Variants in SPINDOC observed in about 807,000 individuals in gnomAD.
The protein encoded by SPINDOC is spindlin interactor and repressor of chromatin binding, also known as spindlin interactor and repressor of chromatin-binding protein.
A neutral mutation model predicts 30.7 loss-of-function variants in SPINDOC; 13 were observed. The ratio of observed to expected loss-of-function variants is 0.42; its 90% CI spans 0.28 to 0.67. The LOEUF is 0.67. Ranked by LOEUF, SPINDOC falls within the 30% of genes least tolerant of loss-of-function variation. The pLI is 0.22. For missense variants in SPINDOC, 438 were observed against 518.0 expected (o/e 0.85, Z 1.50); for synonymous variants, 228 against 211.4 (o/e 1.08, Z -0.68).
chr11:63,826,050 C>G (rs1424014636), intron 5 of SPINDOC, among the ~76,000 whole-genome samples: 5 of 152,012 alleles, frequency 3.3e-5, no homozygotes, highest in Non-Finnish European at 7.4e-5. Context: ...GCGACTCTCC[C>G]GCCTCAGCCT....
chr11:63,826,794 C>G, intron 5 of SPINDOC, 134 bp from the exon 6 acceptor site: 1 of 623,704 alleles, frequency 1.6e-6, no homozygotes, highest in Admixed American at 2.5e-5. Context: ...GGCTTCCCCT[C>G]ATGCCAGGCA....
At chr11:63,816,793 G>GTCCT (rs1325205129) in intron 1 of SPINDOC, among the ~76,000 whole-genome samples, 4 of 152,202 alleles carry the variant, frequency 2.6e-5, no homozygotes, top group Non-Finnish European at 5.9e-5. Flanking sequence ...CAAAGAGCAG[G>GTCCT]TATCAGGCAG....
At chr11:63,823,925 G>T (rs1474273907) in intron 5 of SPINDOC, among the ~76,000 whole-genome samples, 21 of 141,784 alleles carry the variant, frequency 1.5e-4, no homozygotes, top group Non-Finnish European at 2.1e-4. Flanking sequence ...TTTTTTTTTG[G>T]AGATGGAGTT....
In SPINDOC at chr11:63,818,317, C is replaced by T. The variant is rs1565075780; in HGVS notation, c.559C>T (p.Leu187Phe). The change falls in exon 3 of 6, where the codon CTC becomes TTC. Residue 187 changes from leucine (L) to phenylalanine (F), a missense_variant. Physicochemically the swap from Leu to Phe is conservative, Grantham distance 22 (BLOSUM62 0). Around this residue, in one of 3 missense-constraint regions of SPINDOC, gnomAD observed 300 missense variants for 332.8 expected, o/e 0.90. Coordinates refer to ENST00000294244, the MANE Select transcript of SPINDOC (RefSeq NM_138471.3). This position sits in a 1 kb window ranked among gnomAD's most constrained non-coding sequence, Gnocchi z 5.3. ...CCTTGACTCTGAGGATAACCCATCCCTCCCTAAAAGGAGCCGGCCCAGGGG... is the reference window on the plus strand; with the variant it reads ...CCTTGACTCTGAGGATAACCCATCCTTCCCTAAAAGGAGCCGGCCCAGGGG... Reference protein sequence around the residue: ...VLLDSEDNPSLPKRSRPRGLR... With the variant: ...VLLDSEDNPSFPKRSRPRGLR... 3 of 1,614,042 alleles carry T rather than the reference C, an allele frequency of 1.9e-6. No individual in the cohort carries two copies. The highest frequency in any genetic ancestry group is 2.5e-6 in the Non-Finnish European group (3 of 1,180,020).
At chr11:63,819,148 C>G (rs1431028702) in intron 5 of SPINDOC, 146 bp downstream of exon 5, 8 of 687,450 alleles carry the variant, frequency 1.2e-5, no homozygotes, top group Non-Finnish European at 1.9e-5. Flanking sequence ...TCCTGGTACA[C>G]GGGGCCGGGG....
intron 5 of SPINDOC, chr11:63,822,871 C>T (rs904281665): frequency 1.0e-5 from 13 of 1,288,562 alleles, no homozygotes; most frequent in Admixed American, 6.9e-5. Context: ...GAAGAGAATC[C>T]CTGAGATTCT....
intron 5 of SPINDOC, among the ~76,000 whole-genome samples, chr11:63,820,907 A>AAAAAAAAAC (rs2015501781): frequency 6.8e-6 from 1 of 147,844 alleles, no homozygotes; most frequent in Non-Finnish European, 1.5e-5. Flanking sequence ...AAAAAAAAAA[A>AAAAAAAAAC]CAACACACAT....
At chr11:63,822,623 G>A (rs1309067138) in intron 5 of SPINDOC, 1 of 1,289,046 alleles carries the variant, frequency 7.8e-7, no homozygotes. Flanking sequence ...AGTTTTAACT[G>A]TCTCAAGTTT....
Position 63,818,925 on chromosome 11 carries a change from G to T in SPINDOC, c.857G>T (p.Gly286Val), listed in dbSNP as rs761980411. The change falls in exon 5 of 6, where the codon GGC becomes GTC. Residue 286 changes from glycine (G) to valine (V), a missense_variant. Coordinates refer to ENST00000294244, the MANE Select transcript of SPINDOC (RefSeq NM_138471.3). This position sits in a 1 kb window ranked among gnomAD's most constrained non-coding sequence, Gnocchi z 5.3. Reference protein sequence around the residue: ...LQLFSHTQLRGPDSKDSPKDR... With the variant: ...LQLFSHTQLRVPDSKDSPKDR... ...CTCTTCTCCCACACCCAGCTCAGGG[G>T]CCCAGACAGCAAGGACTCACCCAAA... 3.1e-6 allele frequency: 5 copies of T among 1,614,050 alleles called. No homozygotes were observed. The highest frequency in any genetic ancestry group is 4.2e-6 in the Non-Finnish European group (5 of 1,180,054).
rs1232038191 is a variant in SPINDOC, at chr11:63,818,846, G to C, written c.778G>C (p.Ala260Pro). 1.2e-5 allele frequency: 20 copies of C among 1,613,862 alleles called. No individual in the cohort carries two copies. Among genetic ancestry groups the C allele is most frequent in the Non-Finnish European group, 1.6e-5 (19 of 1,180,034 alleles). The change falls in exon 5 of 6, where the codon GCC becomes CCC. Residue 260 changes from alanine (A) to proline (P), a missense_variant. By Grantham distance (27) the Ala-to-Pro change is conservative. This residue lies in a region of SPINDOC where 300 missense variants were observed against 332.8 expected (regional missense o/e 0.90). Coordinates refer to ENST00000294244, the MANE Select transcript of SPINDOC (RefSeq NM_138471.3). The surrounding 1 kb of genome is among the most constrained non-coding windows in gnomAD (Gnocchi z 5.3). ...DSPTETFAAP[A>P]EVRHFTDGSF... ...GCCCACGGAGACTTTCGCAGCACCA[G>C]CCGAGGTCCGACACTTCACTGACGG...
Position 63,817,786 on chromosome 11 carries a change from T to G in SPINDOC, c.128-19T>G. Reference sequence around the variant, plus strand: ...GTGGGCACCTTTAGTGATAACACCCTCCCCCTCTCCCCTCGCAGTGACCCA... The same window carrying G: ...GTGGGCACCTTTAGTGATAACACCCGCCCCCTCTCCCCTCGCAGTGACCCA... On this transcript the variant is annotated intron_variant, in intron 1 of 5. Coordinates refer to ENST00000294244, the MANE Select transcript of SPINDOC (RefSeq NM_138471.3). The G allele has an allele frequency of 6.5e-7, 1 of 1,532,772 alleles. No homozygotes were observed. Among genetic ancestry groups the G allele is most frequent in the Non-Finnish European group, 8.8e-7 (1 of 1,136,966 alleles). The allele number at this position is 1,532,772 out of a possible 1,614,324, so 94.9% of individuals were successfully genotyped here. A position where few individuals can be genotyped will look rare whatever the true frequency, so the allele number is the denominator to read the frequency against.
At chr11:63,824,504 G>A (rs889873904) in intron 5 of SPINDOC, among the ~76,000 whole-genome samples, 5 of 152,108 alleles carry the variant, frequency 3.3e-5, no homozygotes, top group Admixed American at 6.5e-5. Context: ...GCGTAGGCCC[G>A]GCTTATGTGT....
chr11:63,820,889 C>A (rs1162746312), intron 5 of SPINDOC, among the ~76,000 whole-genome samples: 132 of 74,356 alleles, frequency 1.8e-3, no homozygotes, highest in African/African-American at 3.9e-3. Context: ...AACTCCGTCT[C>A]AAAAAAAAAA....
Position 63,818,429 on chromosome 11 carries a change from C to T in SPINDOC, c.607+64C>T. On this transcript the variant is annotated intron_variant, in intron 3 of 5. Coordinates refer to ENST00000294244, the MANE Select transcript of SPINDOC (RefSeq NM_138471.3). The surrounding 1 kb of genome is among the most constrained non-coding windows in gnomAD (Gnocchi z 5.3). ...GGGGGTTTGGGGACAGGGTGAAATA[C>T]AGGCCCTGTGTTCTGGGCAGGTATC... The T allele has an allele frequency of 6.2e-7, 1 of 1,606,680 alleles. No individual in the cohort carries two copies. Among genetic ancestry groups the T allele is most frequent in the Non-Finnish European group, 8.5e-7 (1 of 1,177,080 alleles).
chr11:63,816,639 G>T lies in SPINDOC; in HGVS notation c.128-1166G>T, dbSNP rs190714998. Among the ~76,000 whole-genome samples, 503 of 152,292 alleles carry T rather than the reference G, an allele frequency of 3.3e-3. 2 individuals are homozygous for T. Among genetic ancestry groups the T allele is most frequent in the Non-Finnish European group, 4.5e-3 (309 of 68,012 alleles). Reference sequence around the variant, plus strand: ...TAATTTTGTCCCATCCTCTCTGGAAGGTAGGAGGGAGATGCAGCCGTGAAG... The same window carrying T: ...TAATTTTGTCCCATCCTCTCTGGAATGTAGGAGGGAGATGCAGCCGTGAAG... On this transcript the variant is annotated intron_variant, in intron 1 of 5. Transcript: ENST00000294244.
intron 5 of SPINDOC, among the ~76,000 whole-genome samples, chr11:63,823,533 G>A (rs612010): frequency 0.43 from 64,669 of 151,992 alleles, 16,421 homozygotes; most frequent in East Asian, 0.71. Context: ...CAGGAGAGGA[G>A]GTGGGCCACA....
intron 5 of SPINDOC, among the ~76,000 whole-genome samples, chr11:63,824,763 C>CA (rs138145513): frequency 1.2e-3 from 171 of 141,098 alleles, no homozygotes; most frequent in African/African-American, 3.2e-3. Context: ...GACTCCATCT[C>CA]AAAAAAAAAA....
In SPINDOC at chr11:63,817,971, C is replaced by T. The variant is rs1458683176; in HGVS notation, c.294C>T (p.Ile98=). The change falls in exon 2 of 6, where the codon ATC becomes ATT. Residue 98 remains isoleucine (I), a synonymous_variant. Coordinates refer to ENST00000294244, the MANE Select transcript of SPINDOC (RefSeq NM_138471.3). The part of the protein sequence containing the change: ...RALCMVCGAE[I]RAPSADTARS... ...TGTGCATGGTGTGTGGCGCTGAGAT[C>T]CGGGCACCCTCGGCCGACACAGCTC... 1.9e-6 allele frequency: 3 copies of T among 1,614,034 alleles called. No homozygotes were observed. Among genetic ancestry groups the T allele is most frequent in the Non-Finnish European group, 2.5e-6 (3 of 1,180,042 alleles).
intron 5 of SPINDOC, chr11:63,823,295 C>CT: frequency 2.4e-6 from 3 of 1,257,326 alleles, no homozygotes; most frequent in Non-Finnish European, 3.1e-6. Context: ...AATGTCTCTA[C>CT]TTTCTGTGTT....
Sources: gnomAD v4.1 joint callset for allele counts (sites outside exome capture counted in the v4.1 genomes callset) on GRCh38, gnomAD v4.1.1 for gene constraint, gnomAD v4.1.1 regional missense constraint, Gnocchi (gnomAD v3.1) non-coding constraint, MANE v1.5 for transcripts, NCBI Gene and HGNC (gene_info 2026-07-23, HGNC 2026-07-21) for gene names.